The following SLC24A4 variants were observed in gnomAD, a reference collection of about 807,000 sequenced individuals.
The protein encoded by SLC24A4 is sodium/potassium/calcium exchanger 4.
Under a neutral mutation model 79.0 loss-of-function variants are expected in SLC24A4, and 53 were observed. That is an observed-to-expected ratio of 0.67 (90% CI 0.54 to 0.84). The LOEUF (loss-of-function observed/expected upper bound fraction) is 0.84, where lower values mean the gene tolerates loss of function less well. SLC24A4 is among the 40% of genes least tolerant of loss of function. The probability of loss-of-function intolerance (pLI) is 0.00; values close to 1 mark genes in which losing one functional copy is unlikely to be tolerated. For missense variants in SLC24A4, 731 were observed against 822.0 expected, an observed-to-expected ratio of 0.89 and a Z score of 1.35; for synonymous variants, 323 against 323.8, an observed-to-expected ratio of 1.00 and a Z score of 0.03.
intron 2 of SLC24A4, among the ~76,000 whole-genome samples, chr14:92,418,468 A>G (rs1006938255): frequency 6.6e-6 from 1 of 152,114 alleles, no homozygotes; most frequent in South Asian, 2.1e-4. Context: ...CACATACACA[A>G]ACATGTCCTG....
chr14:92,492,625 G>A (rs1202542242), intron 16 of SLC24A4, among the ~76,000 whole-genome samples: 1 of 152,118 alleles, frequency 6.6e-6, no homozygotes, highest in Non-Finnish European at 1.5e-5. Context: ...ACATGTCCAG[G>A]TCTGTGCTGA....
Position 92,419,215 on chromosome 14 carries a change from C to T in SLC24A4, c.242-14697C>T, listed in dbSNP as rs181321293. Among the ~76,000 whole-genome samples the T allele has an allele frequency of 2.8e-3, 429 of 152,286 alleles. 1 individual carries two copies. The highest frequency in any genetic ancestry group is 9.4e-3 in the African/African-American group (392 of 41,544). On this transcript the variant is annotated intron_variant, in intron 2 of 16. Transcript: ENST00000532405. ...GTTGGGCATAGAACTCACCATCACA[C>T]GTGGCTGGCAACCCGACCTGACCTC...
intron 12 of SLC24A4, among the ~76,000 whole-genome samples, chr14:92,459,061 G>A (rs954922756): frequency 2.6e-5 from 4 of 152,180 alleles, no homozygotes; most frequent in African/African-American, 9.7e-5. Context: ...CCACTGCCCC[G>A]CACTGGCCAC....
intron 2 of SLC24A4, among the ~76,000 whole-genome samples, chr14:92,380,200 G>A (rs1888757974): frequency 6.6e-6 from 1 of 152,210 alleles, no homozygotes; most frequent in South Asian, 2.1e-4. Context: ...GCAGATCCAA[G>A]GGCCAGAGGT....
chr14:92,448,901 C>G (rs888579602), intron 9 of SLC24A4, among the ~76,000 whole-genome samples, 173 bp from the exon 10 acceptor site: 5 of 152,164 alleles, frequency 3.3e-5, no homozygotes, highest in Non-Finnish European at 7.4e-5. Flanking sequence ...GCTCCCAGGT[C>G]CCTGTCAGGA....
At position 92,445,892 on chromosome 14, in the gene SLC24A4, T is replaced by C. The variant is rs1052620872; in HGVS notation, c.683+550T>C. Among the ~76,000 whole-genome samples, 4 of 152,344 alleles carry C rather than the reference T, an allele frequency of 2.6e-5. No individual in the cohort carries two copies. The South Asian group carries it at 6.2e-4, about 24-fold the overall frequency. On this transcript the variant is annotated intron_variant, in intron 8 of 16. Transcript: ENST00000532405. ...CATCTTTAAGACACTGAGGTAGGAA[T>C]TGATTTCCTAATTAAGATACATAGC...
At chr14:92,484,628 GC>G in intron 13 of SLC24A4, 1 of 985,410 alleles carries the variant, frequency 1.0e-6, no homozygotes, top group Non-Finnish European at 1.2e-6. Flanking sequence ...ATCTGCCCCA[GC>G]CCCAGGCACT....
At chr14:92,349,741 CTGAA>C (rs1886765729) in intron 2 of SLC24A4, among the ~76,000 whole-genome samples, 1 of 152,190 alleles carries the variant, frequency 6.6e-6, no homozygotes, top group African/African-American at 2.4e-5. Flanking sequence ...AATATAAGCT[CTGAA>C]TTTTAGGGGA....
At chr14:92,351,982 G>A (rs1414218021) in intron 2 of SLC24A4, among the ~76,000 whole-genome samples, 3 of 150,544 alleles carry the variant, frequency 2.0e-5, no homozygotes, top group Non-Finnish European at 4.4e-5. Flanking sequence ...AGAAAGGTAG[G>A]TGAAGGCTTA....
At chr14:92,408,491 C>A in intron 2 of SLC24A4, 1 of 930,526 alleles carries the variant, frequency 1.1e-6, no homozygotes, top group Non-Finnish European at 1.3e-6. Context: ...TTAATGATGG[C>A]TGTGAGGAGT....
At chr14:92,449,530 C>T (rs1893020143) in intron 10 of SLC24A4, among the ~76,000 whole-genome samples, 1 of 152,204 alleles carries the variant, frequency 6.6e-6, no homozygotes, top group African/African-American at 2.4e-5. Flanking sequence ...GCCTGCTTGG[C>T]TCTTCAGAAT....
At position 92,492,976 on chromosome 14, in the gene SLC24A4, A is replaced by G. The variant is rs1011968364; in HGVS notation, c.1717-500A>G. The G allele has an allele frequency of 1.1e-3, 282 of 246,362 alleles. 1 individual carries two copies. Among genetic ancestry groups the G allele is most frequent in the Non-Finnish European group, 1.8e-3 (225 of 122,184 alleles). 15.3% of individuals were successfully genotyped at this position (246,362 alleles called of 1,614,324 possible). ...CTACCCCAAACACACACACACACAC[A>G]CACACACACACACACACACACACAC... On this transcript the variant is annotated intron_variant, in intron 16 of 16. Coordinates refer to ENST00000532405, the MANE Select transcript of SLC24A4 (RefSeq NM_153646.4).
At chr14:92,424,804 C>G (rs922614117) in intron 2 of SLC24A4, among the ~76,000 whole-genome samples, 3 of 152,086 alleles carry the variant, frequency 2.0e-5, no homozygotes, top group African/African-American at 7.2e-5. Context: ...ATCGTTTGAG[C>G]CTAGGAGGTC....
Position 92,498,806 on chromosome 14 carries a change from G to A in SLC24A4, c.*5178G>A, listed in dbSNP as rs1409283744. The A allele has an allele frequency of 1.3e-5, 2 of 152,262 alleles. No individual in the cohort carries two copies. The highest frequency in any genetic ancestry group is 4.8e-5 in the African/African-American group (2 of 41,450). The allele number at this position is 152,262 out of a possible 1,614,324, so 9.4% of individuals were successfully genotyped here. On this transcript the variant is annotated 3_prime_UTR_variant, in exon 17 of 17. Coordinates refer to ENST00000532405, the MANE Select transcript of SLC24A4 (RefSeq NM_153646.4). ...AGCCACCGCACCTGGCCAAAAAAAG[G>A]CATTTTGATTTAGGTTGCTGTGTTT...
chr14:92,423,208 G>A (rs1446697171), intron 2 of SLC24A4, among the ~76,000 whole-genome samples: 2 of 152,072 alleles, frequency 1.3e-5, no homozygotes, highest in African/African-American at 4.8e-5. Flanking sequence ...GCAGTGGCAC[G>A]ATCTCGGCTC....
intron 12 of SLC24A4, among the ~76,000 whole-genome samples, chr14:92,464,182 G>A (rs1417273352): frequency 6.6e-6 from 1 of 152,156 alleles, no homozygotes; most frequent in Non-Finnish European, 1.5e-5. Context: ...GTTTTCTGTG[G>A]TTAGCAGTAA....
intron 7 of SLC24A4, among the ~76,000 whole-genome samples, chr14:92,444,729 C>T (rs928264029): frequency 6.6e-6 from 1 of 152,012 alleles, no homozygotes; most frequent in Non-Finnish European, 1.5e-5. Context: ...GTGGTGCATG[C>T]CTGTAATTCC....
intron 5 of SLC24A4, 44 bp from the exon 6 acceptor site, chr14:92,442,669 G>C: frequency 7.1e-7 from 1 of 1,400,894 alleles, no homozygotes. Context: ...GGGCAGGCTG[G>C]GGACGTGTGG....
intron 2 of SLC24A4, among the ~76,000 whole-genome samples, chr14:92,370,065 T>C (rs1189244340): frequency 2.6e-5 from 4 of 152,236 alleles, no homozygotes; most frequent in Non-Finnish European, 4.4e-5. Flanking sequence ...CAAAGGGTAT[T>C]CATTGTATTC....
Sources: allele counts gnomAD v4.1 joint callset (sites outside exome capture counted in the v4.1 genomes callset), GRCh38; gene constraint gnomAD v4.1.1; transcripts MANE v1.5; gene names NCBI Gene and HGNC (gene_info 2026-07-23, HGNC 2026-07-21).